The following CPEB3 variants were observed in gnomAD, a reference collection of about 807,000 sequenced individuals.
CPEB3 encodes the protein cytoplasmic polyadenylation element-binding protein 3.
In CPEB3, 20 loss-of-function variants were observed where a neutral mutation model predicts 67.2. That is an observed-to-expected ratio of 0.30 (90% confidence interval 0.21 to 0.43). The LOEUF (loss-of-function observed/expected upper bound fraction) is 0.43. CPEB3 is among the 20% of genes least tolerant of loss of function. The pLI, the probability that CPEB3 is intolerant of heterozygous loss-of-function variation, is 1.00. For synonymous variants in CPEB3, 376 were observed against 393.1 expected (o/e 0.96, Z 0.51); for missense variants, 746 against 968.6 (o/e 0.77, Z 3.05).
intron 9 of CPEB3, among the ~76,000 whole-genome samples, chr10:92,062,962 T>C (rs2134328541): frequency 6.6e-6 from 1 of 152,334 alleles, no homozygotes; most frequent in East Asian, 1.9e-4. Flanking sequence ...ATAAGCCTAA[T>C]GGAGATGACT....
chr10:92,110,236 G>A (rs534891698), intron 7 of CPEB3, among the ~76,000 whole-genome samples: 350 of 152,256 alleles, frequency 2.3e-3, no homozygotes, highest in Non-Finnish European at 2.9e-3. Context: ...TACAAAGGCC[G>A]CTGCAGGCCC....
chr10:92,093,202 GA>G (rs1197953474), intron 7 of CPEB3, among the ~76,000 whole-genome samples: 1 of 152,144 alleles, frequency 6.6e-6, no homozygotes, highest in African/African-American at 2.4e-5. Context: ...GCTGGGTGCA[GA>G]AAGGGAACCT....
intron 8 of CPEB3, among the ~76,000 whole-genome samples, chr10:92,090,444 A>G (rs1843566269): frequency 6.6e-6 from 1 of 152,228 alleles, no homozygotes; most frequent in Non-Finnish European, 1.5e-5. Context: ...TGGGGGACTG[A>G]GGCTGGAGAA....
At chr10:92,062,148 G>A (rs774217280) in intron 9 of CPEB3, among the ~76,000 whole-genome samples, 1 of 151,174 alleles carries the variant, frequency 6.6e-6, no homozygotes, top group South Asian at 2.1e-4. Context: ...GGCTGAGTGA[G>A]GCAAGAAAAT....
At chr10:92,228,507 G>A (rs191404578) in intron 2 of CPEB3, among the ~76,000 whole-genome samples, 3 of 152,138 alleles carry the variant, frequency 2.0e-5, no homozygotes, top group Admixed American at 6.6e-5. Context: ...AGTTTGAGTA[G>A]GGGGTTCGAT....
rs199506362 is a variant in CPEB3, at chr10:92,134,895, C to G, written c.1453+8134G>C. 1.4e-4 allele frequency among the ~76,000 whole-genome samples: 21 copies of G among 150,914 alleles called. No homozygotes were observed. The East Asian group carries it at 3.3e-3, about 24-fold the overall frequency. ...ACCATCTGATCTTTGACAAACCTGA[C>G]AAAAACAAAAAATGGGGAAAGGATT... On this transcript the variant is annotated intron_variant, in intron 6 of 9. Transcript: ENST00000265997.
intron 7 of CPEB3, 114 bp from the exon 8 acceptor site, chr10:92,092,058 A>C: frequency 1.4e-6 from 1 of 702,512 alleles, no homozygotes; most frequent in Admixed American, 2.7e-5. Context: ...ACATGACCCA[A>C]ACAAAATCCA....
intron 6 of CPEB3, among the ~76,000 whole-genome samples, chr10:92,113,419 A>G (rs972971950): frequency 1.9e-4 from 29 of 152,330 alleles, no homozygotes; most frequent in South Asian, 8.3e-4. Flanking sequence ...GGTGGGTTAA[A>G]AAGTCCAAAT....
At position 92,161,158 on chromosome 10, in the gene CPEB3, A is replaced by C. The variant is rs192082329; in HGVS notation, c.1223-16073T>G. Among the ~76,000 whole-genome samples the C allele has an allele frequency of 3.9e-3, 594 of 152,168 alleles. 1 individual carries two copies. Among genetic ancestry groups the C allele is most frequent in the Middle Eastern group, 0.01 (3 of 294 alleles). On this transcript the variant is annotated intron_variant, in intron 4 of 9. Transcript: ENST00000265997. ...AAGTGCTGGGACTGTAAATTGGTTC[A>C]TGATGGTTGGGAACTCTGATATCAG... is the stretch of plus-strand genomic sequence containing the variant.
At position 92,239,511 on chromosome 10, in the gene CPEB3, G is replaced by GACACCC. The variant is rs755807760; in HGVS notation, c.834_839dup (p.Gly281_Val282dup). The GACACCC allele has an allele frequency of 2.2e-4, 354 of 1,574,840 alleles. 1 individual carries two copies. The highest frequency in any genetic ancestry group is 6.5e-5 in the Non-Finnish European group (75 of 1,159,564). ...TGGGGTTGAGCGGGGAAGGCACCCC[G>GACACCC]ACACCCACACCCACGCCCACACCGA... is the stretch of plus-strand genomic sequence containing the variant. On this transcript the variant is annotated inframe_insertion, in exon 2 of 10. Coordinates refer to ENST00000265997, the MANE Select transcript of CPEB3 (RefSeq NM_014912.5). The surrounding 1 kb of genome is among the most constrained non-coding windows in gnomAD (Gnocchi z 6.0).
chr10:92,290,752 G>C (rs989673939), intron 1 of CPEB3, among the ~76,000 whole-genome samples, 174 bp downstream of exon 1: 2 of 152,266 alleles, frequency 1.3e-5, no homozygotes, highest in East Asian at 3.9e-4. Flanking sequence ...TCCAGCGCCG[G>C]GGGCTTCGGA....
chr10:92,189,996 G>A (rs1205726502), intron 3 of CPEB3, among the ~76,000 whole-genome samples: 1 of 151,764 alleles, frequency 6.6e-6, no homozygotes, highest in African/African-American at 2.4e-5. Flanking sequence ...AGTTACTCTG[G>A]GGCCAGGCAG....
intron 6 of CPEB3, among the ~76,000 whole-genome samples, chr10:92,135,481 G>A (rs1041622876): frequency 3.3e-5 from 5 of 152,208 alleles, no homozygotes; most frequent in African/African-American, 1.2e-4. Context: ...ACGCCAGTTA[G>A]AATGGCAATC....
chr10:92,207,456 A>C (rs1011003842), intron 2 of CPEB3, among the ~76,000 whole-genome samples: 1 of 152,224 alleles, frequency 6.6e-6, no homozygotes, highest in Non-Finnish European at 1.5e-5. Context: ...ATTTTGACTC[A>C]GACACTTTGT....
At position 92,159,711 on chromosome 10, in the gene CPEB3, C is replaced by T. The variant is rs892824487; in HGVS notation, c.1223-14626G>A. Among the ~76,000 whole-genome samples, 4 of 152,026 alleles carry T rather than the reference C, an allele frequency of 2.6e-5. 1 individual carries two copies. The highest frequency in any genetic ancestry group is 5.9e-5 in the Non-Finnish European group (4 of 67,974). Reference sequence around the variant, plus strand: ...AACAAAAAACAAACAAACAAAAAAACTATTTATTCCATAGGAAAATAATTC... The same window carrying T: ...AACAAAAAACAAACAAACAAAAAAATTATTTATTCCATAGGAAAATAATTC... On this transcript the variant is annotated intron_variant, in intron 4 of 9. Coordinates refer to ENST00000265997, the MANE Select transcript of CPEB3 (RefSeq NM_014912.5).
At chr10:92,102,782 T>A (rs1056854575) in intron 7 of CPEB3, among the ~76,000 whole-genome samples, 3 of 152,208 alleles carry the variant, frequency 2.0e-5, no homozygotes, top group African/African-American at 7.2e-5. Flanking sequence ...AACATCTGCG[T>A]ACTCTGCCCT....
intron 1 of CPEB3, among the ~76,000 whole-genome samples, chr10:92,243,659 G>A (rs977379497): frequency 6.6e-6 from 1 of 152,006 alleles, no homozygotes; most frequent in Non-Finnish European, 1.5e-5. Context: ...GCAAGGGAGG[G>A]GGAACTACTG....
intron 9 of CPEB3, among the ~76,000 whole-genome samples, chr10:92,073,604 A>T (rs1206051131): frequency 1.3e-5 from 2 of 151,802 alleles, no homozygotes; most frequent in Non-Finnish European, 2.9e-5. Flanking sequence ...ACACCTGGCT[A>T]ATTTAAAAAA....
intron 2 of CPEB3, among the ~76,000 whole-genome samples, chr10:92,213,165 C>T (rs1850178695): frequency 6.6e-6 from 1 of 152,094 alleles, no homozygotes; most frequent in African/African-American, 2.4e-5. Context: ...ACCCCAGGCC[C>T]CAAAACCTTA....
Sources: allele counts gnomAD v4.1 joint callset (sites outside exome capture counted in the v4.1 genomes callset), GRCh38; gene constraint gnomAD v4.1.1; non-coding constraint Gnocchi (gnomAD v3.1); transcripts MANE v1.5; gene names NCBI Gene and HGNC (gene_info 2026-07-23, HGNC 2026-07-21).